CA4: variants seen among roughly 807,000 people sequenced by gnomAD.
CA4 encodes the protein CA-IV.
Under a neutral mutation model 34.5 loss-of-function variants are expected in CA4, and 24 were observed. The ratio of observed to expected loss-of-function variants is 0.70; its 90% CI spans 0.50 to 0.98. The LOEUF (loss-of-function observed/expected upper bound fraction) is 0.98, where lower values mean the gene tolerates loss of function less well. Ranked by LOEUF, CA4 falls within the 50% of genes least tolerant of loss-of-function variation. The pLI is 0.00. For missense variants in CA4, 394 were observed against 396.7 expected, an observed-to-expected ratio of 0.99 and a Z score of 0.06; for synonymous variants, 178 against 170.6, an observed-to-expected ratio of 1.04 and a Z score of -0.34.
At chr17:60,164,101 C>A (rs1189583060), downstream of CA4, among the ~76,000 whole-genome samples, 2 of 151,298 alleles carry the variant, frequency 1.3e-5, no homozygotes, top group South Asian at 2.1e-4. Context: ...AGAGAGGGAC[C>A]CTGTCTCAAA....
Position 60,159,324 on chromosome 17 carries a change from C to T in CA4, c.839C>T (p.Thr280Met), listed in dbSNP as rs377145857. ...VRPLQQLGQR[T>M]VIKSGAPGRP... Reference sequence around the variant, plus strand: ...CCCCTGCAGCAGCTGGGGCAGCGCACGGTGATAAAGTCCGGGGCCCCGGGT... The same window carrying T: ...CCCCTGCAGCAGCTGGGGCAGCGCATGGTGATAAAGTCCGGGGCCCCGGGT... The change falls in exon 8 of 8, where the codon ACG becomes ATG. Residue 280 changes from threonine to methionine, a missense_variant. Coordinates refer to ENST00000300900, the MANE Select transcript of CA4 (RefSeq NM_000717.5). The T allele has an allele frequency of 2.6e-5, 42 of 1,609,426 alleles. No individual in the cohort carries two copies. The highest frequency in any genetic ancestry group is 6.7e-5 in the African/African-American group (5 of 74,796).
intron 1 of CA4, among the ~76,000 whole-genome samples, chr17:60,150,325 G>A (rs11657573): frequency 6.6e-6 from 1 of 152,320 alleles, no homozygotes; most frequent in East Asian, 1.9e-4. Context: ...ACGGGTGTGC[G>A]CGGTGAGGGT....
In CA4 at chr17:60,152,036, C is replaced by CA. The variant is rs1467539581; in HGVS notation, c.58+1945dup. ...GCAAGGTCCATTAGAGAGGCTTCTT[C>CA]AGCCATCTTGAAATAAGGGGGAGGG... On this transcript the variant is annotated intron_variant, in intron 1 of 7. Transcript: ENST00000300900. Among the ~76,000 whole-genome samples, 4 of 152,034 alleles carry CA rather than the reference C, an allele frequency of 2.6e-5. No homozygotes were observed. In the East Asian group the frequency reaches 5.8e-4, roughly 22 times the overall value.
intron 5 of CA4, among the ~76,000 whole-genome samples, chr17:60,165,233 A>G (rs2083843365): frequency 6.6e-6 from 1 of 152,046 alleles, no homozygotes; most frequent in Admixed American, 6.6e-5. Flanking sequence ...CAAGGGAGAA[A>G]ACTTAAGACC....
At chr17:60,173,326 TAC>T (rs938540103), downstream of CA4, among the ~76,000 whole-genome samples, 6 of 152,222 alleles carry the variant, frequency 3.9e-5, no homozygotes, top group African/African-American at 1.2e-4. Context: ...GCCTTCCTGT[TAC>T]AGTCTACTAT....
downstream of CA4, among the ~76,000 whole-genome samples, chr17:60,163,689 G>A (rs2083821078): frequency 6.6e-6 from 1 of 152,218 alleles, no homozygotes; most frequent in African/African-American, 2.4e-5. Context: ...TCCTTCCGCA[G>A]AGCCCTCGGC....
chr17:60,163,248 C>T (rs1448251945), downstream of CA4, among the ~76,000 whole-genome samples: 1 of 152,082 alleles, frequency 6.6e-6, no homozygotes, highest in Non-Finnish European at 1.5e-5. Flanking sequence ...TGTCTTAAAA[C>T]TCCAGGGGGC....
At chr17:60,155,451 A>G in intron 2 of CA4, 84 bp downstream of exon 2, 1 of 1,048,718 alleles carries the variant, frequency 9.5e-7, no homozygotes, top group South Asian at 1.3e-5. Context: ...AAGAGTGGGA[A>G]GGGGAGGGGT....
chr17:60,158,478 C>T (rs2083736312), intron 7 of CA4, 32 bp downstream of exon 7: 1 of 1,607,662 alleles, frequency 6.2e-7, no homozygotes, highest in South Asian at 1.1e-5. Context: ...GCATGGGCTC[C>T]CACTGCCTGG....
chr17:60,161,675 C>T (rs889858175), downstream of CA4, among the ~76,000 whole-genome samples: 2 of 152,004 alleles, frequency 1.3e-5, no homozygotes, highest in East Asian at 3.9e-4. Context: ...CCTCCCTCCT[C>T]CCTTTCCCTC....
intron 2 of CA4, among the ~76,000 whole-genome samples, chr17:60,156,277 C>T (rs999493540): frequency 3.3e-5 from 5 of 152,226 alleles, no homozygotes; most frequent in South Asian, 4.1e-4. Flanking sequence ...GTCCCTACCC[C>T]GGAGCTCACA....
At chr17:60,164,353 A>G (rs1221745181), downstream of CA4, among the ~76,000 whole-genome samples, 1 of 133,764 alleles carries the variant, frequency 7.5e-6, no homozygotes, top group Non-Finnish European at 1.6e-5. Context: ...CCCTCCCTCC[A>G]GTCTGTCTGT....
At chr17:60,173,206 T>C (rs990114582), downstream of CA4, among the ~76,000 whole-genome samples, 1 of 152,254 alleles carries the variant, frequency 6.6e-6, no homozygotes, top group African/African-American at 2.4e-5. Context: ...AAAATGGATA[T>C]GTATTTATAC....
downstream of CA4, chr17:60,170,980 C>T (rs1427004277): frequency 6.6e-6 from 1 of 152,206 alleles, no homozygotes; most frequent in South Asian, 2.1e-4. Context: ...TGTGTGACAC[C>T]ACAGGCAAGT....
intron 2 of CA4, among the ~76,000 whole-genome samples, chr17:60,155,886 T>C (rs985982856): frequency 1.3e-5 from 2 of 152,216 alleles, no homozygotes; most frequent in Non-Finnish European, 2.9e-5. Flanking sequence ...TGACACCCCT[T>C]GCAGGGTGCC....
the CA4 span, among the ~76,000 whole-genome samples, chr17:60,176,573 G>A: frequency 1.3e-5 from 2 of 152,056 alleles, no homozygotes; most frequent in African/African-American, 4.8e-5. Flanking sequence ...AAAAATGACC[G>A]TAGGACCCAC....
At chr17:60,156,905 G>A in intron 3 of CA4, 190 bp downstream of exon 3, 2 of 651,642 alleles carry the variant, frequency 3.1e-6, no homozygotes, top group Non-Finnish European at 5.5e-6. Flanking sequence ...ACTTTTGTCA[G>A]ACCAGTCTGG....
chr17:60,163,618 G>A (rs912981572), downstream of CA4, among the ~76,000 whole-genome samples: 1 of 152,200 alleles, frequency 6.6e-6, no homozygotes, highest in Non-Finnish European at 1.5e-5. Flanking sequence ...GACAAAGGAC[G>A]ATGTCCAAGG....
chr17:60,155,181 T>C, intron 1 of CA4, 133 bp from the exon 2 acceptor site: 1 of 780,200 alleles, frequency 1.3e-6, no homozygotes, highest in Non-Finnish European at 2.2e-6. Context: ...CCCTCAATCC[T>C]GCTGCCAGGA....
Sources: gnomAD v4.1 joint callset for allele counts (sites outside exome capture counted in the v4.1 genomes callset) on GRCh38, gnomAD v4.1.1 for gene constraint, MANE v1.5 for transcripts, NCBI Gene and HGNC (gene_info 2026-07-23, HGNC 2026-07-21) for gene names.